Variants in KCNAB1 observed in about 807,000 individuals in gnomAD.
KCNAB1 encodes voltage-gated potassium channel subunit beta-1.
KCNAB1 carries 35 observed loss-of-function variants against 64.6 expected under a neutral mutation model. The ratio of observed to expected loss-of-function variants is 0.54; its 90% CI spans 0.41 to 0.72. KCNAB1 has a LOEUF of 0.72. KCNAB1 is among the 30% of genes least tolerant of loss of function. KCNAB1 has a pLI of 0.00. For missense variants in KCNAB1, 401 were observed against 512.9 expected (o/e 0.78, Z 2.11); for synonymous variants, 177 against 183.8 (o/e 0.96, Z 0.30).
At chr3:156,534,436 A>G (rs1036633741) in intron 13 of KCNAB1, among the ~76,000 whole-genome samples, 1 of 152,032 alleles carries the variant, frequency 6.6e-6, no homozygotes, top group African/African-American at 2.4e-5. Context: ...AGGTGGGAGA[A>G]CCGCCTCTCC....
intron 8 of KCNAB1, among the ~76,000 whole-genome samples, chr3:156,511,940 G>A (rs922223333): frequency 5.9e-5 from 9 of 152,068 alleles, no homozygotes; most frequent in African/African-American, 1.9e-4. Flanking sequence ...CTTCCTCAGG[G>A]CCTAGGCGCA....
intron 1 of KCNAB1, among the ~76,000 whole-genome samples, chr3:156,359,847 G>A (rs141646109): frequency 1.2e-4 from 19 of 152,264 alleles, no homozygotes; most frequent in Admixed American, 3.3e-4. Context: ...AAGTGGAACC[G>A]GAAATGCTAT....
At chr3:156,371,098 C>T (rs1358968692) in intron 1 of KCNAB1, among the ~76,000 whole-genome samples, 1 of 152,198 alleles carries the variant, frequency 6.6e-6, no homozygotes, top group African/African-American at 2.4e-5. Context: ...GATTTTCCAG[C>T]ATGGAACACA....
Position 156,452,987 on chromosome 3 carries a change from G to A in KCNAB1, c.357+51G>A, listed in dbSNP as rs376379546. On this transcript the variant is annotated intron_variant, in intron 3 of 13. Transcript: ENST00000490337. This position sits in a 1 kb window ranked among gnomAD's most constrained non-coding sequence, Gnocchi z 4.6. Reference sequence around the variant, plus strand: ...GCTAATGAAAGAAAATGCAGAGAGAGCTGTATTGCAGGAGTCCTCTTCCTG... The same window carrying A: ...GCTAATGAAAGAAAATGCAGAGAGAACTGTATTGCAGGAGTCCTCTTCCTG... 4.6e-6 allele frequency: 6 copies of A among 1,315,546 alleles called. No homozygotes were observed. The African/African-American group carries it at 8.8e-5, about 19-fold the overall frequency. 81.5% of individuals were successfully genotyped at this position (1,315,546 alleles called of 1,614,324 possible).
At chr3:156,404,739 G>A (rs1275779544) in intron 1 of KCNAB1, among the ~76,000 whole-genome samples, 1 of 152,196 alleles carries the variant, frequency 6.6e-6, no homozygotes, top group Non-Finnish European at 1.5e-5. Flanking sequence ...TAAAGTCAGA[G>A]GTCCTTGCTG....
chr3:156,279,466 C>G (rs929779588), intron 1 of KCNAB1, among the ~76,000 whole-genome samples: 1 of 152,176 alleles, frequency 6.6e-6, no homozygotes, highest in Non-Finnish European at 1.5e-5. Context: ...GTTTATAGTC[C>G]TTTGGGTATA....
chr3:156,537,152 T>G lies in KCNAB1; in HGVS notation c.*405T>G, dbSNP rs1017703052. ...TGCGTAAGAAACAGAGTAGATAGAC[T>G]AAATTCAGTGAAGGAAAGGAATTGA... On this transcript the variant is annotated 3_prime_UTR_variant, in exon 14 of 14. Coordinates refer to ENST00000490337, the MANE Select transcript of KCNAB1 (RefSeq NM_172160.3). 7 of 398,096 alleles carry G rather than the reference T, an allele frequency of 1.8e-5. No homozygotes were observed. Among genetic ancestry groups the G allele is most frequent in the Admixed American group, 1.3e-4 (3 of 22,692 alleles). The allele number at this position is 398,096 out of a possible 1,614,324, so 24.7% of individuals were successfully genotyped here.
intron 1 of KCNAB1, among the ~76,000 whole-genome samples, chr3:156,344,115 C>A (rs1724321290): frequency 1.3e-5 from 2 of 152,146 alleles, no homozygotes; most frequent in Admixed American, 1.3e-4. Flanking sequence ...GCCACAGATA[C>A]CCCACCCCCA....
chr3:156,193,281 A>G (rs978762337), intron 1 of KCNAB1, among the ~76,000 whole-genome samples: 2 of 152,196 alleles, frequency 1.3e-5, no homozygotes, highest in African/African-American at 4.8e-5. Flanking sequence ...AGTAGAAACC[A>G]TACTTTGAGT....
intron 1 of KCNAB1, among the ~76,000 whole-genome samples, chr3:156,376,395 T>C (rs1333106479): frequency 1.3e-5 from 2 of 151,746 alleles, no homozygotes; most frequent in East Asian, 1.9e-4. Context: ...AGACAGAAGA[T>C]GCAAGGTCAG....
chr3:156,469,029 C>G (rs544841340), intron 7 of KCNAB1, among the ~76,000 whole-genome samples: 1 of 152,056 alleles, frequency 6.6e-6, no homozygotes, highest in Non-Finnish European at 1.5e-5. Context: ...GTATGTTTCC[C>G]GAAAAGTTCT....
At chr3:156,395,474 G>T (rs1216426896) in intron 1 of KCNAB1, among the ~76,000 whole-genome samples, 2 of 141,662 alleles carry the variant, frequency 1.4e-5, no homozygotes, top group Non-Finnish European at 3.0e-5. Context: ...GAACCAGGGA[G>T]GCGGAGCTTG....
At position 156,124,215 on chromosome 3, in the gene KCNAB1, C is replaced by CT. The variant is rs545733860; in HGVS notation, c.275+3342dup. On this transcript the variant is annotated intron_variant, in intron 1 of 13. Transcript: ENST00000490337. Reference sequence around the variant, plus strand: ...TATTTTCTTAGGATCTATTTCTTTTCTTTTTTTTTTTTTCTTTTTGAGATG... The same window carrying CT: ...TATTTTCTTAGGATCTATTTCTTTTCTTTTTTTTTTTTTTCTTTTTGAGATG... 7.2e-3 allele frequency among the ~76,000 whole-genome samples: 1,022 copies of CT among 142,928 alleles called. 9 individuals carry two copies. Among genetic ancestry groups the CT allele is most frequent in the African/African-American group, 0.02 (798 of 39,206 alleles). The allele number at this position is 142,928 out of a possible 152,430, so 93.8% of individuals were successfully genotyped here.
At chr3:156,344,650 G>T (rs1400057906) in intron 1 of KCNAB1, among the ~76,000 whole-genome samples, 2 of 152,184 alleles carry the variant, frequency 1.3e-5, no homozygotes, top group Non-Finnish European at 2.9e-5. Context: ...GTTTCAGTGG[G>T]CCTGGGATGG....
chr3:156,328,888 A>G (rs1259825207), intron 1 of KCNAB1, among the ~76,000 whole-genome samples: 2 of 152,166 alleles, frequency 1.3e-5, no homozygotes, highest in African/African-American at 2.4e-5. Flanking sequence ...CCTTGTTGAA[A>G]TGGAGTTGTT....
intron 1 of KCNAB1, among the ~76,000 whole-genome samples, chr3:156,223,982 T>C (rs1715973075): frequency 1.3e-5 from 2 of 152,182 alleles, no homozygotes; most frequent in African/African-American, 4.8e-5. Flanking sequence ...TCAGGGAGGC[T>C]CAGGCCGCGC....
intron 1 of KCNAB1, among the ~76,000 whole-genome samples, chr3:156,297,571 C>T (rs1223750540): frequency 6.6e-6 from 1 of 152,060 alleles, no homozygotes; most frequent in African/African-American, 2.4e-5. Flanking sequence ...AGAGTCAGGA[C>T]TATATGCAAA....
At chr3:156,446,157 G>A (rs944105112) in intron 2 of KCNAB1, 6 of 152,214 alleles carry the variant, frequency 3.9e-5, no homozygotes, top group African/African-American at 1.4e-4. Flanking sequence ...TTCAGTGGAA[G>A]GCTCAGCCCA....
chr3:156,210,186 G>A (rs765808246), intron 1 of KCNAB1, among the ~76,000 whole-genome samples: 74 of 152,100 alleles, frequency 4.9e-4, no homozygotes, highest in Non-Finnish European at 9.9e-4. Context: ...TGGGCAGCTC[G>A]CTGACCAGGA....
Sources: allele counts gnomAD v4.1 joint callset (sites outside exome capture counted in the v4.1 genomes callset), GRCh38; gene constraint gnomAD v4.1.1; non-coding constraint Gnocchi (gnomAD v3.1); transcripts MANE v1.5; gene names NCBI Gene and HGNC (gene_info 2026-07-23, HGNC 2026-07-21).